Variants in GPHN observed in about 807,000 individuals in gnomAD.
The protein encoded by GPHN is gephyrin.
GPHN carries 17 observed loss-of-function variants against 95.5 expected under a neutral mutation model. The observed-to-expected ratio is 0.18, with a 90% CI of 0.12 to 0.27. The LOEUF is 0.27. Ranked by LOEUF, GPHN falls within the 10% of genes least tolerant of loss-of-function variation. The probability of loss-of-function intolerance (pLI) is 1.00; values close to 1 mark genes in which losing one functional copy is unlikely to be tolerated. For missense variants in GPHN, 660 were observed against 978.1 expected (o/e 0.67, Z 4.34); for synonymous variants, 320 against 322.5 (o/e 0.99, Z 0.08).
intron 3 of GPHN, among the ~76,000 whole-genome samples, chr14:66,785,376 A>T (rs2059736201): frequency 1.3e-5 from 2 of 152,166 alleles, no homozygotes; most frequent in African/African-American, 4.8e-5. Flanking sequence ...AAAAATAAAT[A>T]AATTAATAAA....
the GPHN span, among the ~76,000 whole-genome samples, chr14:67,491,335 C>G: frequency 6.6e-6 from 1 of 152,128 alleles, no homozygotes; most frequent in Non-Finnish European, 1.5e-5. Context: ...AGCTTGATCT[C>G]CACCCTCCCA....
intron 4 of GPHN, among the ~76,000 whole-genome samples, chr14:66,860,354 C>G (rs2062977048): frequency 6.6e-6 from 1 of 151,948 alleles, no homozygotes; most frequent in Non-Finnish European, 1.5e-5. Flanking sequence ...AAGTTTTGCT[C>G]TAGAACAGTA....
At chr14:67,225,952 TGTGTGTGTGTGCGCGCGC>T in the GPHN span, among the ~76,000 whole-genome samples, 4 of 139,134 alleles carry the variant, frequency 2.9e-5, no homozygotes, top group African/African-American at 1.2e-4. Flanking sequence ...TGTGTGTGTG[TGTGTGTGTGTGCGCGCGC>T]GCGCGTGCGC....
chr14:67,689,615 G>A, the GPHN span, among the ~76,000 whole-genome samples: 1 of 152,092 alleles, frequency 6.6e-6, no homozygotes, highest in African/African-American at 2.4e-5. Flanking sequence ...AAACTGTGAA[G>A]TAGTCCCATT....
At chr14:67,571,950 C>T in the GPHN span, 11 of 1,557,560 alleles carry the variant, frequency 7.1e-6, no homozygotes, top group Admixed American at 1.9e-5. Flanking sequence ...AGGAGCCCCT[C>T]ACCTCTTCCC....
At chr14:67,669,822 G>A in the GPHN span, among the ~76,000 whole-genome samples, 3 of 152,178 alleles carry the variant, frequency 2.0e-5, no homozygotes, top group Non-Finnish European at 4.4e-5. Context: ...CTCTTGGGCC[G>A]GGAACTGTAG....
In GPHN at chr14:67,023,513, T is replaced by C. The variant is rs549565702; in HGVS notation, c.964-120T>C. The C allele has an allele frequency of 2.1e-5, 15 of 706,944 alleles. No individual in the cohort carries two copies. The South Asian group carries it at 2.5e-4, about 12-fold the overall frequency. 43.8% of individuals were successfully genotyped at this position (706,944 alleles called of 1,614,324 possible). On this transcript the variant is annotated intron_variant, in intron 9 of 22. Coordinates refer to ENST00000478722, the MANE Select transcript of GPHN (RefSeq NM_020806.5). ...ACATTTTTACTAACATGTTATGACA[T>C]CTGAAATACTAATATATAAAGCCTT...
At chr14:67,317,387 A>T in the GPHN span, 7 of 1,588,862 alleles carry the variant, frequency 4.4e-6, no homozygotes, top group Admixed American at 8.7e-5. Flanking sequence ...ATTTATAGTT[A>T]TGTTTATGAT....
At chr14:67,341,417 G>A in the GPHN span, among the ~76,000 whole-genome samples, 1 of 152,170 alleles carries the variant, frequency 6.6e-6, no homozygotes, top group Non-Finnish European at 1.5e-5. Context: ...CGTCTGGGAA[G>A]TGAGGAGCGT....
At chr14:66,811,558 AAAGAAAC>A (rs1370765525) in intron 3 of GPHN, among the ~76,000 whole-genome samples, 27 of 136,292 alleles carry the variant, frequency 2.0e-4, no homozygotes, top group Non-Finnish European at 1.5e-5. Context: ...AAAAAAAAAA[AAAGAAAC>A]AAAATATAAG....
chr14:67,649,895 C>T, the GPHN span: 1 of 152,108 alleles, frequency 6.6e-6, no homozygotes, highest in African/African-American at 2.4e-5. Context: ...AAGTTAAATT[C>T]TATAGAGAAG....
the GPHN span, chr14:67,203,207 T>A: frequency 1.9e-6 from 3 of 1,613,926 alleles, 1 homozygote; most frequent in South Asian, 3.3e-5. Context: ...TACTGGCCCA[T>A]CTGACACCTG....
chr14:67,674,383 G>T, the GPHN span: 2 of 1,595,466 alleles, frequency 1.3e-6, no homozygotes, highest in Admixed American at 1.7e-5. Context: ...ACCGGTCCCC[G>T]CCGTCCCCAG....
the GPHN span, chr14:67,659,947 A>G: frequency 6.2e-7 from 1 of 1,603,504 alleles, no homozygotes; most frequent in South Asian, 1.1e-5. Context: ...AGTAGTGAGC[A>G]GATAGCCTGG....
intron 1 of GPHN, among the ~76,000 whole-genome samples, chr14:66,622,880 T>G (rs2063364818): frequency 1.3e-5 from 2 of 152,216 alleles, no homozygotes; most frequent in Admixed American, 1.3e-4. Flanking sequence ...CAGATTTTCC[T>G]GTCTTCTTCT....
chr14:66,821,248 A>G (rs1566979905), intron 3 of GPHN, among the ~76,000 whole-genome samples: 2 of 152,226 alleles, frequency 1.3e-5, no homozygotes, highest in Non-Finnish European at 1.5e-5. Flanking sequence ...GCTAAGATAA[A>G]CTGCTTTTTA....
At chr14:67,250,009 G>A in the GPHN span, among the ~76,000 whole-genome samples, 1 of 152,270 alleles carries the variant, frequency 6.6e-6, no homozygotes, top group South Asian at 2.1e-4. Flanking sequence ...TTTTTTCTGA[G>A]TTTCTATCAA....
At chr14:67,525,712 G>A in the GPHN span, among the ~76,000 whole-genome samples, 289 of 152,240 alleles carry the variant, frequency 1.9e-3, 1 homozygote, top group African/African-American at 6.6e-3. Flanking sequence ...TATGCTTGAC[G>A]GGAAAATATA....
intron 10 of GPHN, among the ~76,000 whole-genome samples, chr14:67,025,894 G>C (rs2073899882): frequency 6.6e-6 from 1 of 152,132 alleles, no homozygotes; most frequent in Non-Finnish European, 1.5e-5. Flanking sequence ...CCCTTGCCTT[G>C]CTATATCCAT....
Sources: allele counts gnomAD v4.1 joint callset (sites outside exome capture counted in the v4.1 genomes callset), GRCh38; gene constraint gnomAD v4.1.1; transcripts MANE v1.5; gene names NCBI Gene and HGNC (gene_info 2026-07-23, HGNC 2026-07-21).